Variants in ATRNL1 observed in about 807,000 individuals in gnomAD.
ATRNL1 encodes attractin like 1.
In ATRNL1, 95 loss-of-function variants were observed where a neutral mutation model predicts 182.7. The observed-to-expected ratio is 0.52, with a 90% CI of 0.44 to 0.62. ATRNL1 has a LOEUF of 0.62. Ranked by LOEUF, ATRNL1 falls within the 20% of genes least tolerant of loss-of-function variation. The probability of loss-of-function intolerance (pLI) is 0.00; values close to 1 mark genes in which losing one functional copy is unlikely to be tolerated. For synonymous variants in ATRNL1, 576 were observed against 568.3 expected (o/e 1.01, Z -0.19); for missense variants, 1,471 against 1,679.5 (o/e 0.88, Z 2.17).
In ATRNL1 at chr10:115,212,763, T is replaced by C. The variant is rs547645732; in HGVS notation, c.1349-2934T>C. On this transcript the variant is annotated intron_variant, in intron 8 of 28. Coordinates refer to ENST00000355044, the MANE Select transcript of ATRNL1 (RefSeq NM_207303.4). ...AACACAGGAACAGAAAACCAAATAC[T>C]GCGTGTTCTCACTTATAAGTGGGAG... is the stretch of plus-strand genomic sequence containing the variant. Among the ~76,000 whole-genome samples the C allele has an allele frequency of 4.6e-5, 7 of 152,104 alleles. No homozygotes were observed. The South Asian group carries it at 1.0e-3, about 23-fold the overall frequency.
chr10:115,137,377 C>T (rs1415725563), intron 5 of ATRNL1, among the ~76,000 whole-genome samples: 1 of 152,268 alleles, frequency 6.6e-6, no homozygotes, highest in Non-Finnish European at 1.5e-5. Flanking sequence ...CTTCCATCTA[C>T]ATACCAAATT....
intron 26 of ATRNL1, among the ~76,000 whole-genome samples, chr10:115,686,558 T>C (rs1946224906): frequency 6.6e-6 from 1 of 152,042 alleles, no homozygotes; most frequent in Non-Finnish European, 1.5e-5. Context: ...ATCTTATTTA[T>C]CTTTTCATCA....
intron 13 of ATRNL1, among the ~76,000 whole-genome samples, chr10:115,276,011 C>G (rs782279677): frequency 6.6e-6 from 1 of 152,076 alleles, no homozygotes; most frequent in Non-Finnish European, 1.5e-5. Context: ...TTTGCCTGAT[C>G]CAACTTTATG....
chr10:115,241,801 T>G (rs2133820336), intron 10 of ATRNL1, 76 bp downstream of exon 10: 1 of 1,237,764 alleles, frequency 8.1e-7, no homozygotes, highest in South Asian at 1.4e-5. Flanking sequence ...ATACATTAAT[T>G]GATAGCATGT....
At chr10:115,919,240 T>C (rs952399612) in intron 28 of ATRNL1, among the ~76,000 whole-genome samples, 3 of 152,170 alleles carry the variant, frequency 2.0e-5, no homozygotes, top group Non-Finnish European at 4.4e-5. Context: ...CCAATTCTAC[T>C]TGGGCACACA....
intron 26 of ATRNL1, among the ~76,000 whole-genome samples, chr10:115,709,934 A>G (rs1555054060): frequency 6.6e-6 from 1 of 152,020 alleles, no homozygotes; most frequent in Non-Finnish European, 1.5e-5. Context: ...AAAATCTGCT[A>G]TTATAAGTTA....
chr10:115,777,688 C>G (rs917439810), intron 27 of ATRNL1, among the ~76,000 whole-genome samples: 2 of 152,154 alleles, frequency 1.3e-5, no homozygotes, highest in Non-Finnish European at 2.9e-5. Flanking sequence ...AAAACTGGCC[C>G]TGTGCTAGAT....
chr10:115,708,444 G>A (rs1555053623), intron 26 of ATRNL1, among the ~76,000 whole-genome samples: 2 of 151,598 alleles, frequency 1.3e-5, no homozygotes, highest in Non-Finnish European at 3.0e-5. Flanking sequence ...GGGAATTATT[G>A]TTTTAACAAA....
At chr10:115,282,143 A>C (rs1362913849) in intron 14 of ATRNL1, among the ~76,000 whole-genome samples, 1 of 146,292 alleles carries the variant, frequency 6.8e-6, no homozygotes, top group African/African-American at 2.5e-5. Context: ...TAAACCATAA[A>C]TTTATATATT....
intron 26 of ATRNL1, among the ~76,000 whole-genome samples, chr10:115,620,871 C>G (rs1047428479): frequency 2.6e-5 from 4 of 152,106 alleles, no homozygotes; most frequent in African/African-American, 4.8e-5. Context: ...ATGTTCTGAT[C>G]TGTAATCTTA....
intron 26 of ATRNL1, among the ~76,000 whole-genome samples, chr10:115,690,400 A>T (rs74433151): frequency 0.035 from 5,263 of 152,150 alleles, 331 homozygotes; most frequent in African/African-American, 0.12. Context: ...ACAGTTTGCA[A>T]TAGGGTTCTC....
chr10:115,718,835 T>C (rs1341104640), intron 26 of ATRNL1, among the ~76,000 whole-genome samples: 1 of 152,242 alleles, frequency 6.6e-6, no homozygotes, highest in Non-Finnish European at 1.5e-5. Context: ...TAGCAGACTA[T>C]ACTATCTGCC....
chr10:115,360,361 A>G (rs1052518577), intron 19 of ATRNL1, among the ~76,000 whole-genome samples: 2 of 151,754 alleles, frequency 1.3e-5, no homozygotes, highest in East Asian at 3.9e-4. Flanking sequence ...TGAAAGAGCT[A>G]TAAAGAAAAT....
chr10:115,835,981 T>G (rs1950661420), intron 27 of ATRNL1, among the ~76,000 whole-genome samples: 1 of 152,216 alleles, frequency 6.6e-6, no homozygotes, highest in African/African-American at 2.4e-5. Flanking sequence ...GTTGTTCCTG[T>G]GGCTACTTCC....
At chr10:115,627,572 GCCAGGCTGGT>G (rs1858186623) in intron 26 of ATRNL1, among the ~76,000 whole-genome samples, 1 of 151,986 alleles carries the variant, frequency 6.6e-6, no homozygotes, top group South Asian at 2.1e-4. Context: ...CACCAAGTTG[GCCAGGCTGGT>G]CTTGAACTGC....
chr10:115,694,238 T>G (rs1416224894), intron 26 of ATRNL1, among the ~76,000 whole-genome samples: 1 of 151,646 alleles, frequency 6.6e-6, no homozygotes, highest in Non-Finnish European at 1.5e-5. Flanking sequence ...AAACTAGACC[T>G]GTCTCATGAT....
chr10:115,620,053 T>G (rs1331933285), intron 26 of ATRNL1, among the ~76,000 whole-genome samples: 1 of 152,236 alleles, frequency 6.6e-6, no homozygotes, highest in Admixed American at 6.5e-5. Flanking sequence ...CTGGATAACT[T>G]ATAAATAAAA....
chr10:115,657,976 T>C (rs910710057), intron 26 of ATRNL1, among the ~76,000 whole-genome samples: 1 of 151,994 alleles, frequency 6.6e-6, no homozygotes. Flanking sequence ...TATATTCTCA[T>C]AAATCTTGGC....
intron 27 of ATRNL1, among the ~76,000 whole-genome samples, chr10:115,748,874 A>G (rs1420394656): frequency 6.6e-6 from 1 of 151,942 alleles, no homozygotes; most frequent in African/African-American, 2.4e-5. Flanking sequence ...GGAAATGAAC[A>G]TTTTATCTAG....
Sources: gnomAD v4.1 joint callset for allele counts (sites outside exome capture counted in the v4.1 genomes callset) on GRCh38, gnomAD v4.1.1 for gene constraint, MANE v1.5 for transcripts, NCBI Gene and HGNC (gene_info 2026-07-23, HGNC 2026-07-21) for gene names.